Variants in IQGAP3 observed in about 807,000 individuals in gnomAD.
IQGAP3 encodes the protein IQ motif containing GTPase activating protein 3, also known as ras GTPase-activating-like protein IQGAP3.
A neutral mutation model predicts 208.2 loss-of-function variants in IQGAP3; 165 were observed. That is an observed-to-expected ratio of 0.79 (90% CI 0.70 to 0.90). IQGAP3 has a LOEUF of 0.90. Among genes scored for constraint, IQGAP3 ranks in the 40% least tolerant of loss-of-function variants. IQGAP3 has a pLI of 0.00. For missense variants in IQGAP3, 1,811 were observed against 2,043.1 expected (o/e 0.89, Z 2.19); for synonymous variants, 703 against 803.6 (o/e 0.87, Z 2.12).
chr1:156,528,871 G>A (rs1330456220), intron 35 of IQGAP3, 45 bp downstream of exon 35: 1 of 1,608,284 alleles, frequency 6.2e-7, no homozygotes, highest in Non-Finnish European at 8.5e-7. Context: ...GGGCAGGGGT[G>A]AGAAGTCACT....
At chr1:156,553,531 C>T (rs541787243) in intron 13 of IQGAP3, among the ~76,000 whole-genome samples, 3 of 152,110 alleles carry the variant, frequency 2.0e-5, no homozygotes, top group South Asian at 4.1e-4. Context: ...ACCCACTTTG[C>T]CCTATTTTAT....
chr1:156,551,572 G>A, intron 15 of IQGAP3, 133 bp downstream of exon 15: 3 of 926,208 alleles, frequency 3.2e-6, no homozygotes, highest in Non-Finnish European at 4.8e-6. Context: ...TTACCAGATT[G>A]GAACACCCCC....
At chr1:156,567,823 T>C (rs1033267778) in intron 2 of IQGAP3, among the ~76,000 whole-genome samples, 5 of 152,168 alleles carry the variant, frequency 3.3e-5, no homozygotes, top group African/African-American at 1.2e-4. Flanking sequence ...AGTCCTAAGA[T>C]GATGAGGGAA....
chr1:156,536,668 A>G lies in IQGAP3; in HGVS notation c.3422+513T>C, dbSNP rs188800191. Among the ~76,000 whole-genome samples the G allele has an allele frequency of 3.6e-3, 556 of 152,336 alleles. 3 individuals are homozygous for G. Among genetic ancestry groups the G allele is most frequent in the African/African-American group, 0.013 (531 of 41,564 alleles). ...AAGAAATAAATGTTTGAGGTAATAG[A>G]TATGCTAATTACCCTGATTTGATCA... On this transcript the variant is annotated intron_variant, in intron 27 of 37. Transcript: ENST00000361170.
chr1:156,555,462 G>C (rs1675783222), intron 12 of IQGAP3, among the ~76,000 whole-genome samples: 1 of 152,190 alleles, frequency 6.6e-6, no homozygotes, highest in Admixed American at 6.5e-5. Context: ...CTGGCCTCAA[G>C]TGATCTGCCT....
chr1:156,548,801 T>C (rs1468997743), intron 16 of IQGAP3, 53 bp from the exon 17 acceptor site: 3 of 1,499,046 alleles, frequency 2.0e-6, no homozygotes, highest in East Asian at 2.3e-5. Flanking sequence ...GTCCCTCCCA[T>C]GGGCCTTGGC....
chr1:156,564,752 G>C, intron 4 of IQGAP3, 61 bp from the exon 5 acceptor site: 1 of 1,167,856 alleles, frequency 8.6e-7, no homozygotes, highest in South Asian at 1.2e-5. Flanking sequence ...CAAATGCGGA[G>C]AGGGGGTGCC....
rs548745635 is a variant in IQGAP3 at position 156,543,543 on chromosome 1, C to T, written c.2530+438G>A. Among the ~76,000 whole-genome samples, 29 of 152,344 alleles carry T rather than the reference C, an allele frequency of 1.9e-4. No individual in the cohort carries two copies. In the South Asian group the frequency reaches 5.8e-3, roughly 30 times the overall value. Reference sequence around the variant, plus strand: ...TTTAAAGCTTTAAATGAGCACCCAACTAATGGGGAATATGGAGCAGGAAGA... The same window carrying T: ...TTTAAAGCTTTAAATGAGCACCCAATTAATGGGGAATATGGAGCAGGAAGA... On this transcript the variant is annotated intron_variant, in intron 22 of 37. Transcript: ENST00000361170.
intron 22 of IQGAP3, among the ~76,000 whole-genome samples, chr1:156,543,700 C>T (rs552557436): frequency 2.0e-5 from 3 of 152,350 alleles, no homozygotes; most frequent in African/African-American, 7.2e-5. Flanking sequence ...AGAAAAGAAG[C>T]AAGATCCTTT....
rs1241949492 is a variant in IQGAP3 at position 156,533,019 on chromosome 1, G to A, written c.4064C>T (p.Ala1355Val). The A allele has an allele frequency of 3.1e-6, 5 of 1,613,996 alleles. No individual in the cohort carries two copies. Among genetic ancestry groups the A allele is most frequent in the Non-Finnish European group, 4.2e-6 (5 of 1,180,004 alleles). Residue 1355 changes from alanine (A) to valine (V), a missense_variant, in exon 32 of 38, where the codon GCA (alanine) becomes GTA (valine). Transcript: ENST00000361170. ...TLTNKFEGLE[A>V]DADDSNTRSL... ...ACGGGTGTTGGAGTCATCAGCATCTGCCTCTAGTCCTTCAAACTTGTTGGT... is the reference window on the plus strand; with the variant it reads ...ACGGGTGTTGGAGTCATCAGCATCTACCTCTAGTCCTTCAAACTTGTTGGT...
At chr1:156,561,343 T>C (rs552227747) in intron 10 of IQGAP3, among the ~76,000 whole-genome samples, 1 of 152,222 alleles carries the variant, frequency 6.6e-6, no homozygotes, top group African/African-American at 2.4e-5. Flanking sequence ...ATTTTTGTAT[T>C]TTTAGTAGAG....
At chr1:156,529,619 T>A (rs1196507955) in intron 34 of IQGAP3, among the ~76,000 whole-genome samples, 1 of 151,904 alleles carries the variant, frequency 6.6e-6, no homozygotes, top group Admixed American at 6.6e-5. Flanking sequence ...ACCCTGTCTC[T>A]ACTAAAAATA....
intron 32 of IQGAP3, among the ~76,000 whole-genome samples, chr1:156,531,867 A>G (rs1674425054): frequency 6.6e-6 from 1 of 151,724 alleles, no homozygotes; most frequent in Non-Finnish European, 1.5e-5. Flanking sequence ...GGCCTCCCAA[A>G]GTGCTGAGAT....
intron 28 of IQGAP3, 141 bp downstream of exon 28, chr1:156,535,022 C>T (rs2102368017): frequency 1.4e-6 from 1 of 740,000 alleles, no homozygotes; most frequent in Non-Finnish European, 2.4e-6. Flanking sequence ...GAGCCAGGCT[C>T]CATTTATAGG....
chr1:156,535,333 C>T (rs1674642490), intron 27 of IQGAP3, 86 bp from the exon 28 acceptor site: 1 of 937,198 alleles, frequency 1.1e-6, no homozygotes, highest in Non-Finnish European at 1.7e-6. Flanking sequence ...CTGGCTGTCT[C>T]TTCTCCCCCA....
At chr1:156,545,019 G>C (rs1303828892) in intron 19 of IQGAP3, among the ~76,000 whole-genome samples, 3 of 152,128 alleles carry the variant, frequency 2.0e-5, no homozygotes, top group Non-Finnish European at 2.9e-5. Context: ...CTGGGCAGCA[G>C]GTCACTAATG....
chr1:156,530,534 A>C (rs553819557), intron 33 of IQGAP3, among the ~76,000 whole-genome samples: 1 of 152,316 alleles, frequency 6.6e-6, no homozygotes, highest in Non-Finnish European at 1.5e-5. Flanking sequence ...GCATGGTGTC[A>C]CACATGGGAG....
chr1:156,544,423 T>C lies in IQGAP3; in HGVS notation c.2354A>G (p.Gln785Arg), dbSNP rs759381115. 6.8e-6 allele frequency: 11 copies of C among 1,614,178 alleles called. No individual in the cohort carries two copies. The Admixed American group carries it at 1.3e-4, about 20-fold the overall frequency. Residue 785 changes from glutamine (Q) to arginine (R), a missense_variant, in exon 20 of 38, where the codon CAG (glutamine) becomes CGG (arginine). Physicochemically the swap from Gln to Arg is conservative, Grantham distance 43. Transcript: ENST00000361170. ...GGCATCCAGGTTTGCTTTAAAATAC[T>C]GCAACCACTCCAGGTAAATCTTCCG... ...RQRKIYLEWL[Q>R]YFKANLDAII...
intron 26 of IQGAP3, 129 bp from the exon 27 acceptor site, chr1:156,537,450 G>T: frequency 1.1e-6 from 1 of 876,890 alleles, no homozygotes; most frequent in Non-Finnish European, 1.7e-6. Flanking sequence ...AGCTCAGCAT[G>T]CTAAAGGAGA....
Sources: allele counts gnomAD v4.1 joint callset (sites outside exome capture counted in the v4.1 genomes callset), GRCh38; gene constraint gnomAD v4.1.1; transcripts MANE v1.5; gene names NCBI Gene and HGNC (gene_info 2026-07-23, HGNC 2026-07-21).